PGAM5: variants seen among roughly 807,000 people sequenced by gnomAD.
The protein encoded by PGAM5 is PGAM family member 5, mitochondrial serine/threonine protein phosphatase.
PGAM5 carries 25 observed loss-of-function variants against 30.6 expected under a neutral mutation model. The ratio of observed to expected loss-of-function variants is 0.82; its 90% confidence interval spans 0.60 to 1.14. The LOEUF (loss-of-function observed/expected upper bound fraction) is 1.14. PGAM5 is among the 50% of genes most tolerant of loss of function. The probability of loss-of-function intolerance (pLI) is 0.00; values close to 1 mark genes in which losing one functional copy is unlikely to be tolerated. For synonymous variants in PGAM5, 201 were observed against 179.1 expected, an observed-to-expected ratio of 1.12 and a Z score of -0.98; for missense variants, 384 against 408.5, an observed-to-expected ratio of 0.94 and a Z score of 0.52.
chr12:132,715,353 C>G (rs2043564865), intron 2 of PGAM5, among the ~76,000 whole-genome samples: 1 of 151,080 alleles, frequency 6.6e-6, no homozygotes, highest in Non-Finnish European at 1.5e-5. Context: ...GGTGGATTAC[C>G]TGAGGTCAGG....
chr12:132,711,203 A>AGGAGCCGCTTTCC (rs1223884493), intron 1 of PGAM5, 136 bp downstream of exon 1: 4 of 687,160 alleles, frequency 5.8e-6, no homozygotes, highest in African/African-American at 1.9e-5. Flanking sequence ...TCCCCAGCGG[A>AGGAGCCGCTTTCC]GGAGCCGCTT....
Position 132,717,567 on chromosome 12 carries a change from G to A in PGAM5, c.496+3G>A. ...TATCATCAGCCGGCACCTGCCAGGTGAGTGCTGCGCGCGGGGCCTCCATGC... is the reference window on the plus strand; with the variant it reads ...TATCATCAGCCGGCACCTGCCAGGTAAGTGCTGCGCGCGGGGCCTCCATGC... On this transcript the variant is annotated splice_donor_region_variant and intron_variant, in intron 3 of 5. Transcript: ENST00000498926. 6.2e-7 allele frequency: 1 copy of A among 1,610,620 alleles called. No homozygotes were observed. The highest frequency in any genetic ancestry group is 8.5e-7 in the Non-Finnish European group (1 of 1,179,846).
chr12:132,710,902 T>C lies in PGAM5; in HGVS notation c.26T>C (p.Leu9Pro). The C allele has an allele frequency of 8.7e-7, 1 of 1,144,204 alleles. No homozygotes were observed. 70.9% of individuals were successfully genotyped at this position (1,144,204 alleles called of 1,614,324 possible). A position where few individuals can be genotyped will look rare whatever the true frequency, so the allele number is the denominator to read the frequency against. The change falls in exon 1 of 6, where the codon CTG becomes CCG. Residue 9 changes from leucine (L) to proline (P), a missense_variant. By Grantham distance (98) the Leu-to-Pro change is moderately conservative. Transcript: ENST00000498926. Reference protein sequence around the residue: MAFRQALQLAACGLAGGSA... With the variant: MAFRQALQPAACGLAGGSA... ...ATGGCGTTCCGGCAGGCGCTGCAGC[T>C]GGCGGCCTGCGGGCTGGCCGGGGGC...
intron 2 of PGAM5, 28 bp from the exon 3 acceptor site, chr12:132,717,411 C>T (rs767110401): frequency 1.1e-5 from 17 of 1,562,384 alleles, no homozygotes; most frequent in South Asian, 5.6e-5. Flanking sequence ...GGTGCAGGTG[C>T]GGCACTCAGG....
At position 132,721,066 on chromosome 12, in the gene PGAM5, C is replaced by A; in HGVS notation, c.*238C>A. The A allele has an allele frequency of 2.4e-6, 1 of 422,038 alleles. No individual in the cohort carries two copies. The highest frequency in any genetic ancestry group is 4.3e-5 in the East Asian group (1 of 23,032). 26.1% of individuals were successfully genotyped at this position (422,038 alleles called of 1,614,324 possible). ...GTTTAAGGTGAAAGCGTCTCACGCA[C>A]AAGTCAGGCCTGTTGTGGGGACTTG... On this transcript the variant is annotated 3_prime_UTR_variant, in exon 6 of 6. Transcript: ENST00000498926.
At chr12:132,713,311 C>T (rs1037935926) in intron 1 of PGAM5, among the ~76,000 whole-genome samples, 10 of 152,286 alleles carry the variant, frequency 6.6e-5, no homozygotes, top group African/African-American at 2.4e-4. Flanking sequence ...AAGGCATGAG[C>T]AACTACAGGA....
intron 5 of PGAM5, chr12:132,719,261 C>T: frequency 9.1e-7 from 1 of 1,097,354 alleles, no homozygotes; most frequent in South Asian, 2.4e-5. Context: ...GGTGGGAGGA[C>T]AGGACGGCAC....
At chr12:132,714,601 A>G (rs1397432846) in intron 1 of PGAM5, among the ~76,000 whole-genome samples, 3 of 152,176 alleles carry the variant, frequency 2.0e-5, no homozygotes, top group Non-Finnish European at 4.4e-5. Flanking sequence ...TCTGCCTCTC[A>G]TTAGAGAAGA....
chr12:132,711,382 C>T (rs1462405427), intron 1 of PGAM5: 1 of 207,236 alleles, frequency 4.8e-6, no homozygotes, highest in Admixed American at 6.0e-5. Context: ...GCCGGGCCTC[C>T]TTCAGGGGCG....
At chr12:132,715,342 A>G (rs1198905565) in intron 2 of PGAM5, among the ~76,000 whole-genome samples, 2 of 151,636 alleles carry the variant, frequency 1.3e-5, no homozygotes, top group African/African-American at 2.4e-5. Flanking sequence ...AGGCCGAGGC[A>G]GGTGGATTAC....
rs1278845529 is a variant in PGAM5 at position 132,722,627 on chromosome 12, T to C, written c.*1799T>C. The stretch of plus-strand genomic sequence containing the variant: ...GAAAAACAGTACAATTTCTATGAAG[T>C]GGTTGTGACTATTTTCTGTAGTCAA... On this transcript the variant is annotated 3_prime_UTR_variant, in exon 6 of 6. Transcript: ENST00000498926. 6.6e-6 allele frequency: 1 copy of C among 152,210 alleles called. No homozygotes were observed. The highest frequency in any genetic ancestry group is 2.4e-5 in the African/African-American group (1 of 41,452). 9.4% of individuals were successfully genotyped at this position (152,210 alleles called of 1,614,324 possible). A position where few individuals can be genotyped will look rare whatever the true frequency, so the allele number is the denominator to read the frequency against.
At chr12:132,714,508 G>A (rs945114232) in intron 1 of PGAM5, among the ~76,000 whole-genome samples, 6 of 152,216 alleles carry the variant, frequency 3.9e-5, no homozygotes, top group East Asian at 1.9e-4. Flanking sequence ...CCTGCGCCCC[G>A]ATAGCCGCTG....
chr12:132,713,858 G>A (rs1004842176), intron 1 of PGAM5, among the ~76,000 whole-genome samples: 5 of 151,450 alleles, frequency 3.3e-5, no homozygotes, highest in African/African-American at 4.9e-5. Flanking sequence ...TTGTAGAGAC[G>A]GGGTCCCCCT....
At chr12:132,715,088 TG>T in intron 2 of PGAM5, 52 bp downstream of exon 2, 1 of 1,366,788 alleles carries the variant, frequency 7.3e-7, no homozygotes, top group Non-Finnish European at 9.7e-7. Flanking sequence ...TGTGGCCAGG[TG>T]CATATCTGCT....
Position 132,722,636 on chromosome 12 carries a change from C to T in PGAM5, c.*1808C>T, listed in dbSNP as rs1449515337. The stretch of plus-strand genomic sequence containing the variant: ...TACAATTTCTATGAAGTGGTTGTGA[C>T]TATTTTCTGTAGTCAATACAGTTGG... On this transcript the variant is annotated 3_prime_UTR_variant, in exon 6 of 6. Coordinates refer to ENST00000498926, the MANE Select transcript of PGAM5 (RefSeq NM_001170543.2). The T allele has an allele frequency of 1.3e-5, 2 of 152,190 alleles. No individual in the cohort carries two copies. Among genetic ancestry groups the T allele is most frequent in the Non-Finnish European group, 2.9e-5 (2 of 68,034 alleles). 9.4% of individuals were successfully genotyped at this position (152,190 alleles called of 1,614,324 possible).
chr12:132,717,306 A>C, intron 2 of PGAM5, 133 bp from the exon 3 acceptor site: 2 of 917,606 alleles, frequency 2.2e-6, no homozygotes, highest in Non-Finnish European at 3.1e-6. Context: ...TTGCGGGCGG[A>C]GGAGGGGGTG....
At chr12:132,720,453 G>A (rs1465825526) in intron 5 of PGAM5, among the ~76,000 whole-genome samples, 2 of 152,090 alleles carry the variant, frequency 1.3e-5, no homozygotes, top group African/African-American at 4.8e-5. Flanking sequence ...GACTACAGGT[G>A]CCTGCTATCA....
intron 4 of PGAM5, 87 bp downstream of exon 4, chr12:132,717,885 C>T (rs906240421): frequency 1.2e-4 from 193 of 1,595,728 alleles, no homozygotes; most frequent in Non-Finnish European, 1.6e-4. Context: ...ACCACGTGCC[C>T]GGCCGTCCCA....
At chr12:132,718,906 T>G in intron 5 of PGAM5, 1 of 1,593,756 alleles carries the variant, frequency 6.3e-7, no homozygotes, top group South Asian at 1.1e-5. Flanking sequence ...CACAGCTGAG[T>G]CACGTTGCTG....
Sources: gnomAD v4.1 joint callset for allele counts (sites outside exome capture counted in the v4.1 genomes callset) on GRCh38, gnomAD v4.1.1 for gene constraint, MANE v1.5 for transcripts, NCBI Gene and HGNC (gene_info 2026-07-23, HGNC 2026-07-21) for gene names.